The following VPS26B variants were observed in gnomAD, a reference collection of about 807,000 sequenced individuals.
The protein encoded by VPS26B is vacuolar protein sorting-associated protein 26B.
A neutral mutation model predicts 33.3 loss-of-function variants in VPS26B; 10 were observed. The observed-to-expected ratio is 0.30, with a 90% CI of 0.19 to 0.51. The LOEUF (loss-of-function observed/expected upper bound fraction) is 0.51. Among genes scored for constraint, VPS26B ranks in the 20% least tolerant of loss-of-function variants. VPS26B has a pLI of 0.98. For missense variants in VPS26B, 317 were observed against 452.7 expected, an observed-to-expected ratio of 0.70 and a Z score of 2.72; for synonymous variants, 190 against 176.9, an observed-to-expected ratio of 1.07 and a Z score of -0.59.
rs776450098 is a variant in VPS26B, at chr11:134,245,474, G to A, written c.895G>A (p.Val299Ile). 14 of 1,613,956 alleles carry A rather than the reference G, an allele frequency of 8.7e-6. No homozygotes were observed. The highest frequency in any genetic ancestry group is 3.3e-5 in the Admixed American group (2 of 60,014). ...EVVLWRKGDI[V>I]RKSMSHQAAI... ...GGTGTTGTGGCGGAAGGGTGACATC[G>A]TACGGAAGAGCATGTCCCACCAGGC... Residue 299 changes from valine (V) to isoleucine (I), a missense_variant, in exon 6 of 6, where the codon GTA becomes ATA. By Grantham distance (29) the Val-to-Ile change is conservative (BLOSUM62 3). Coordinates refer to ENST00000281187, the MANE Select transcript of VPS26B (RefSeq NM_052875.5). The surrounding 1 kb of genome is among the most constrained non-coding windows in gnomAD (Gnocchi z 4.7).
In VPS26B at chr11:134,245,763, G is replaced by A. The variant is rs1938805213; in HGVS notation, c.*173G>A. 1.1e-6 allele frequency: 1 copy of A among 910,144 alleles called. No individual in the cohort carries two copies. Among genetic ancestry groups the A allele is most frequent in the Admixed American group, 2.9e-5 (1 of 34,390 alleles). The allele number at this position is 910,144 out of a possible 1,614,324, so 56.4% of individuals were successfully genotyped here. Reference sequence around the variant, plus strand: ...TTCTCTGGAGAACCCAAGGGGCTTGGGGTGGGAAGCAGTCTCTCCTTGGGA... The same window carrying A: ...TTCTCTGGAGAACCCAAGGGGCTTGAGGTGGGAAGCAGTCTCTCCTTGGGA... On this transcript the variant is annotated 3_prime_UTR_variant, in exon 6 of 6. Transcript: ENST00000281187. This position sits in a 1 kb window ranked among gnomAD's most constrained non-coding sequence, Gnocchi z 4.7.
At position 134,240,798 on chromosome 11, in the gene VPS26B, T is replaced by TCC. The variant is rs1938710778; in HGVS notation, c.545+643_545+644insCC. ...CCGTGTGTGTGTGTGTGTGTCCGTGTGTGTGTGTGTGTGTGTGTGTGTGTG... is the reference window on the plus strand; with the variant it reads ...CCGTGTGTGTGTGTGTGTGTCCGTGTCCGTGTGTGTGTGTGTGTGTGTGTGTG... On this transcript the variant is annotated intron_variant, in intron 3 of 5. Coordinates refer to ENST00000281187, the MANE Select transcript of VPS26B (RefSeq NM_052875.5). This position sits in a 1 kb window ranked among gnomAD's most constrained non-coding sequence, Gnocchi z 4.4. Among the ~76,000 whole-genome samples, 6 of 142,328 alleles carry TCC rather than the reference T, an allele frequency of 4.2e-5. No homozygotes were observed. The highest frequency in any genetic ancestry group is 7.1e-5 in the Admixed American group (1 of 14,156). The allele number at this position is 142,328 out of a possible 152,430, so 93.4% of individuals were successfully genotyped here.
Position 134,247,422 on chromosome 11 carries a change from C to T in VPS26B, c.*1832C>T, listed in dbSNP as rs891681176. On this transcript the variant is annotated 3_prime_UTR_variant, in exon 6 of 6. Coordinates refer to ENST00000281187, the MANE Select transcript of VPS26B (RefSeq NM_052875.5). ...TGACAACACACGTTCATTTTCCAAC[C>T]TTCCTAACATCTTAAACCTTTCTTC... 3 of 152,212 alleles carry T rather than the reference C, an allele frequency of 2.0e-5. No homozygotes were observed. The highest frequency in any genetic ancestry group is 4.8e-5 in the African/African-American group (2 of 41,458). 9.4% of individuals were successfully genotyped at this position (152,212 alleles called of 1,614,324 possible).
At chr11:134,236,469 A>T (rs1445288753) in intron 2 of VPS26B, 3 of 152,204 alleles carry the variant, frequency 2.0e-5, no homozygotes, top group African/African-American at 7.2e-5. Context: ...AAGCGGATCC[A>T]AAAGAATGGA....
Position 134,245,706 on chromosome 11 carries a change from G to C in VPS26B, c.*116G>C, listed in dbSNP as rs1240692223. 4 of 1,308,520 alleles carry C rather than the reference G, an allele frequency of 3.1e-6. No individual in the cohort carries two copies. The highest frequency in any genetic ancestry group is 1.5e-5 in the South Asian group (1 of 67,074). 81.1% of individuals were successfully genotyped at this position (1,308,520 alleles called of 1,614,324 possible). ...TCAGTTGACCCGTTACTTGCAACCTGAAAACAAATCATGTTTTTGACTTAA... is the reference window on the plus strand; with the variant it reads ...TCAGTTGACCCGTTACTTGCAACCTCAAAACAAATCATGTTTTTGACTTAA... On this transcript the variant is annotated 3_prime_UTR_variant, in exon 6 of 6. Coordinates refer to ENST00000281187, the MANE Select transcript of VPS26B (RefSeq NM_052875.5). This position sits in a 1 kb window ranked among gnomAD's most constrained non-coding sequence, Gnocchi z 4.7.
chr11:134,241,205 C>T (rs1938719401), intron 3 of VPS26B, among the ~76,000 whole-genome samples: 2 of 152,158 alleles, frequency 1.3e-5, no homozygotes, highest in African/African-American at 4.8e-5. Context: ...CACAAAGTCT[C>T]TAAGTAGGAT....
chr11:134,238,190 G>T (rs556666199), intron 2 of VPS26B, among the ~76,000 whole-genome samples: 1 of 152,160 alleles, frequency 6.6e-6, no homozygotes, highest in Non-Finnish European at 1.5e-5. Flanking sequence ...TCCTCTCCTG[G>T]TGATTTCATT....
Position 134,245,182 on chromosome 11 carries a change from A to G in VPS26B, c.864+102A>G, listed in dbSNP as rs1293211459. On this transcript the variant is annotated intron_variant, in intron 5 of 5. Coordinates refer to ENST00000281187, the MANE Select transcript of VPS26B (RefSeq NM_052875.5). The surrounding 1 kb of genome is among the most constrained non-coding windows in gnomAD (Gnocchi z 4.7). ...TCCATTTTTGCCAAGAGGTGGGAAC[A>G]TTAGGTCGCCCACAATTGCACAACA... is the stretch of plus-strand genomic sequence containing the variant. The G allele has an allele frequency of 2.0e-6, 3 of 1,483,244 alleles. No individual in the cohort carries two copies. The highest frequency in any genetic ancestry group is 1.3e-5 in the South Asian group (1 of 75,042). 91.9% of individuals were successfully genotyped at this position (1,483,244 alleles called of 1,614,324 possible). A position where few individuals can be genotyped will look rare whatever the true frequency, so the allele number is the denominator to read the frequency against.
intron 1 of VPS26B, among the ~76,000 whole-genome samples, chr11:134,229,908 C>G (rs1022224953): frequency 7.2e-5 from 11 of 152,220 alleles, no homozygotes; most frequent in Non-Finnish European, 1.2e-4. Context: ...CCTCGTCTCC[C>G]CTAACCCTTC....
rs1938846320 is a variant in VPS26B, at chr11:134,247,200, A to C, written c.*1610A>C. The C allele has an allele frequency of 6.6e-6, 1 of 152,198 alleles. No homozygotes were observed. The allele number at this position is 152,198 out of a possible 1,614,324, so 9.4% of individuals were successfully genotyped here. ...TTCCCCCACGCTGTGTCCTGTGTTCAGGTGCGACACACAATCCTCATGGGA... is the reference window on the plus strand; with the variant it reads ...TTCCCCCACGCTGTGTCCTGTGTTCCGGTGCGACACACAATCCTCATGGGA... On this transcript the variant is annotated 3_prime_UTR_variant, in exon 6 of 6. Coordinates refer to ENST00000281187, the MANE Select transcript of VPS26B (RefSeq NM_052875.5).
At position 134,243,410 on chromosome 11, in the gene VPS26B, ACTT is replaced by A. The variant is rs1357720940; in HGVS notation, c.721+120_721+122del. ...AAATAAGATGTCCTCTTAACCTGTA[ACTT>A]CTTAATCTCTCAGTTTACACCGTGG... On this transcript the variant is annotated intron_variant, in intron 4 of 5. Transcript: ENST00000281187. The A allele has an allele frequency of 4.8e-6, 6 of 1,253,596 alleles. No individual in the cohort carries two copies. The South Asian group carries it at 6.1e-5, about 13-fold the overall frequency. 77.7% of individuals were successfully genotyped at this position (1,253,596 alleles called of 1,614,324 possible).
chr11:134,242,387 T>C (rs1268558508), intron 3 of VPS26B, among the ~76,000 whole-genome samples: 2 of 152,238 alleles, frequency 1.3e-5, no homozygotes, highest in African/African-American at 2.4e-5. Context: ...TTTCTTCACC[T>C]GTAATATAAG....
intron 3 of VPS26B, among the ~76,000 whole-genome samples, chr11:134,241,521 C>T (rs1938725297): frequency 6.6e-6 from 1 of 152,290 alleles, no homozygotes; most frequent in South Asian, 2.1e-4. Flanking sequence ...AACAGGTTCT[C>T]CCCCTTTCTC....
At chr11:134,233,840 G>A (rs1448966136) in intron 1 of VPS26B, among the ~76,000 whole-genome samples, 1 of 152,210 alleles carries the variant, frequency 6.6e-6, no homozygotes, top group African/African-American at 2.4e-5. Flanking sequence ...GAGCGGGGGA[G>A]ACCAGGTATG....
Position 134,234,874 on chromosome 11 carries a change from G to A in VPS26B, c.224-23G>A, listed in dbSNP as rs578026400. ...AGCTCAGGGTCTGATAAAGGAGGGCGTCGCATCGCTGTCTCTCACCAGAAC... is the reference window on the plus strand; with the variant it reads ...AGCTCAGGGTCTGATAAAGGAGGGCATCGCATCGCTGTCTCTCACCAGAAC... On this transcript the variant is annotated intron_variant, in intron 1 of 5. Transcript: ENST00000281187. 4.2e-5 allele frequency: 67 copies of A among 1,609,360 alleles called. No homozygotes were observed. The Admixed American group carries it at 7.5e-4, about 18-fold the overall frequency.
chr11:134,224,968 G>T lies in VPS26B; in HGVS notation c.-155G>T. ...CCCCCGTGGAGCCGGCTGTCCGTCG[G>T]CGCCCACTGCCCGGCGGCAGCGGCG... is the stretch of plus-strand genomic sequence containing the variant. On this transcript the variant is annotated 5_prime_UTR_variant, in exon 1 of 6. Transcript: ENST00000281187. 1 of 490,652 alleles carries T rather than the reference G, an allele frequency of 2.0e-6. No individual in the cohort carries two copies. Among genetic ancestry groups the T allele is most frequent in the Non-Finnish European group, 3.0e-6 (1 of 332,530 alleles). 30.4% of individuals were successfully genotyped at this position (490,652 alleles called of 1,614,324 possible).
At chr11:134,227,697 A>G (rs993053683) in intron 1 of VPS26B, among the ~76,000 whole-genome samples, 3 of 151,962 alleles carry the variant, frequency 2.0e-5, no homozygotes, top group Non-Finnish European at 2.9e-5. Context: ...GAATTTAGCC[A>G]CTCTCTGGGC....
intron 1 of VPS26B, among the ~76,000 whole-genome samples, chr11:134,229,106 T>C (rs947997761): frequency 6.6e-6 from 1 of 152,174 alleles, no homozygotes; most frequent in East Asian, 1.9e-4. Flanking sequence ...CACAGCTCAC[T>C]GCAGCCTCAA....
At position 134,245,348 on chromosome 11, in the gene VPS26B, G is replaced by C. The variant is rs1381095402; in HGVS notation, c.865-96G>C. On this transcript the variant is annotated intron_variant, in intron 5 of 5. Transcript: ENST00000281187. This position sits in a 1 kb window ranked among gnomAD's most constrained non-coding sequence, Gnocchi z 4.7. ...TGAGAGAGAAGCAGAGGAGGTCCTTGCCCGAGATTCCCCACGTCAAAGTTG... is the reference window on the plus strand; with the variant it reads ...TGAGAGAGAAGCAGAGGAGGTCCTTCCCCGAGATTCCCCACGTCAAAGTTG... 2 of 1,548,886 alleles carry C rather than the reference G, an allele frequency of 1.3e-6. No homozygotes were observed. The highest frequency in any genetic ancestry group is 8.8e-7 in the Non-Finnish European group (1 of 1,137,688).
Sources: allele counts gnomAD v4.1 joint callset (sites outside exome capture counted in the v4.1 genomes callset), GRCh38; gene constraint gnomAD v4.1.1; non-coding constraint Gnocchi (gnomAD v3.1); transcripts MANE v1.5; gene names NCBI Gene and HGNC (gene_info 2026-07-23, HGNC 2026-07-21).